FCHSD2: variants seen among roughly 807,000 people sequenced by gnomAD.
FCHSD2 encodes the protein F-BAR and double SH3 domains protein 2.
Under a neutral mutation model 108.1 loss-of-function variants are expected in FCHSD2, and 38 were observed. That is an observed-to-expected ratio of 0.35 (90% CI 0.27 to 0.46). The LOEUF is 0.46. FCHSD2 is among the 20% of genes least tolerant of loss of function. The pLI is 1.00. For missense variants in FCHSD2, 751 were observed against 897.8 expected, an observed-to-expected ratio of 0.84 and a Z score of 2.09; for synonymous variants, 279 against 314.7, an observed-to-expected ratio of 0.89 and a Z score of 1.20.
chr11:73,033,438 G>A (rs1858413924), intron 3 of FCHSD2, among the ~76,000 whole-genome samples: 1 of 152,100 alleles, frequency 6.6e-6, no homozygotes, highest in South Asian at 2.1e-4. Flanking sequence ...ATTATGAACA[G>A]AAGAGACAGA....
intron 5 of FCHSD2, among the ~76,000 whole-genome samples, chr11:72,992,871 C>T (rs1471944692): frequency 1.3e-5 from 2 of 152,132 alleles, no homozygotes; most frequent in South Asian, 2.1e-4. Flanking sequence ...GTCTAAAACA[C>T]GAAAAGCAAT....
At chr11:73,139,398 T>G (rs1861195143) in intron 2 of FCHSD2, among the ~76,000 whole-genome samples, 1 of 152,250 alleles carries the variant, frequency 6.6e-6, no homozygotes, top group Non-Finnish European at 1.5e-5. Context: ...ATTACAAGAT[T>G]GTTAAATAAG....
intron 8 of FCHSD2, among the ~76,000 whole-genome samples, chr11:72,945,578 A>G (rs1856503135): frequency 6.6e-6 from 1 of 152,216 alleles, no homozygotes; most frequent in South Asian, 2.1e-4. Context: ...GAGCTTCTGC[A>G]CAGCAAAAGG....
At chr11:73,122,748 T>C (rs533225974) in intron 2 of FCHSD2, among the ~76,000 whole-genome samples, 3 of 152,346 alleles carry the variant, frequency 2.0e-5, no homozygotes, top group East Asian at 1.9e-4. Context: ...AAAGTCTCTA[T>C]TGGACTCTGT....
intron 8 of FCHSD2, chr11:72,940,691 A>G: frequency 9.0e-7 from 1 of 1,109,126 alleles, no homozygotes. Flanking sequence ...TATAGGATTC[A>G]TGTTCACCGT....
intron 3 of FCHSD2, among the ~76,000 whole-genome samples, chr11:73,027,696 C>T (rs545046140): frequency 5.3e-5 from 8 of 152,292 alleles, no homozygotes; most frequent in Non-Finnish European, 5.9e-5. Context: ...CAGAGATGTT[C>T]GCTGCACTCC....
chr11:73,008,876 T>C (rs984666811), intron 4 of FCHSD2, among the ~76,000 whole-genome samples: 7 of 152,150 alleles, frequency 4.6e-5, no homozygotes, highest in Non-Finnish European at 7.4e-5. Context: ...AGGCAGCTTT[T>C]TGTTTCCCAA....
intron 2 of FCHSD2, among the ~76,000 whole-genome samples, chr11:73,127,877 G>C (rs929853525): frequency 5.3e-5 from 8 of 151,734 alleles, no homozygotes; most frequent in Non-Finnish European, 7.4e-5. Context: ...ATCACCTGAG[G>C]TCAAGGTCAA....
chr11:73,041,553 C>G (rs929524943), intron 3 of FCHSD2, among the ~76,000 whole-genome samples: 7 of 152,044 alleles, frequency 4.6e-5, no homozygotes, highest in Non-Finnish European at 1.5e-5. Flanking sequence ...CTATTCATAT[C>G]CTTTCCCAAC....
At chr11:72,971,487 G>A (rs1250736049) in intron 8 of FCHSD2, among the ~76,000 whole-genome samples, 1 of 152,138 alleles carries the variant, frequency 6.6e-6, no homozygotes, top group Non-Finnish European at 1.5e-5. Flanking sequence ...GTTTTCTCTA[G>A]CTAGTAGCAA....
intron 4 of FCHSD2, among the ~76,000 whole-genome samples, chr11:73,012,979 T>C (rs1857893311): frequency 6.6e-6 from 1 of 152,206 alleles, no homozygotes; most frequent in Non-Finnish European, 1.5e-5. Context: ...ATTAAATTCC[T>C]GCCATTCTAT....
intron 2 of FCHSD2, among the ~76,000 whole-genome samples, chr11:73,117,317 A>T (rs1273028775): frequency 6.6e-6 from 1 of 152,232 alleles, no homozygotes; most frequent in Non-Finnish European, 1.5e-5. Flanking sequence ...AAGAATTCAC[A>T]ATCAGGCAAT....
Position 72,849,865 on chromosome 11 carries a change from C to T in FCHSD2, c.1333G>A (p.Glu445Lys). 6.2e-7 allele frequency: 1 copy of T among 1,613,526 alleles called. No homozygotes were observed. The highest frequency in any genetic ancestry group is 8.5e-7 in the Non-Finnish European group (1 of 1,179,546). The stretch of plus-strand genomic sequence containing the variant: ...ATGTTATCTTCAAACTCTTCGCCTT[C>T]TTCTCTTTCGGTATCTGCATTAAGC... The part of the protein sequence containing the change: ...HSLNADTERE[E>K]GEEFEDNMDV... Residue 445 changes from glutamate (E) to lysine (K), a missense_variant, in exon 14 of 20, where the codon GAA becomes AAA. By Grantham distance (56) the Glu-to-Lys change is moderately conservative (BLOSUM62 1). Coordinates refer to ENST00000409418, the MANE Select transcript of FCHSD2 (RefSeq NM_014824.3).
chr11:72,907,594 C>T (rs571698907), intron 9 of FCHSD2, among the ~76,000 whole-genome samples: 7 of 118,900 alleles, frequency 5.9e-5, no homozygotes, highest in Admixed American at 5.4e-4. Flanking sequence ...GAGATAATCA[C>T]GTGGGTTTTT....
At chr11:73,091,238 T>C (rs542120337) in intron 2 of FCHSD2, among the ~76,000 whole-genome samples, 1 of 152,206 alleles carries the variant, frequency 6.6e-6, no homozygotes, top group Non-Finnish European at 1.5e-5. Flanking sequence ...TATAAATCTG[T>C]ATGTAAAGAC....
intron 19 of FCHSD2, 41 bp from the exon 20 acceptor site, chr11:72,838,915 G>T: frequency 6.4e-7 from 1 of 1,551,586 alleles, no homozygotes; most frequent in Non-Finnish European, 8.8e-7. Context: ...GTCAGTTCCT[G>T]ACTCAGTATC....
At chr11:73,118,839 A>C (rs947384334) in intron 2 of FCHSD2, among the ~76,000 whole-genome samples, 10 of 152,334 alleles carry the variant, frequency 6.6e-5, no homozygotes, top group African/African-American at 1.7e-4. Flanking sequence ...ATTGAAGCAC[A>C]TAAGTAACTT....
rs553740176 is a variant in FCHSD2, at chr11:73,085,397, A to AATC, written c.120-1658_120-1657insGAT. ...CATTTTGGAACTAGGAGTCAACTGA[A>AATC]AGAGAGGGGATGACCACTGTTGTTG... is the stretch of plus-strand genomic sequence containing the variant. On this transcript the variant is annotated intron_variant, in intron 2 of 19. Transcript: ENST00000409418. Among the ~76,000 whole-genome samples, 46 of 152,248 alleles carry AATC rather than the reference A, an allele frequency of 3.0e-4. No individual in the cohort carries two copies. The South Asian group carries it at 4.8e-3, about 16-fold the overall frequency.
At chr11:72,965,432 T>C (rs542771652) in intron 8 of FCHSD2, among the ~76,000 whole-genome samples, 1 of 152,350 alleles carries the variant, frequency 6.6e-6, no homozygotes, top group South Asian at 2.1e-4. Flanking sequence ...TTCTACCAGG[T>C]GAGACAAAAT....
Sources: allele counts gnomAD v4.1 joint callset (sites outside exome capture counted in the v4.1 genomes callset), GRCh38; gene constraint gnomAD v4.1.1; transcripts MANE v1.5; gene names NCBI Gene and HGNC (gene_info 2026-07-23, HGNC 2026-07-21).